Variants in TBC1D32 observed in about 807,000 individuals in gnomAD.
The protein encoded by TBC1D32 is protein broad-minded.
A neutral mutation model predicts 170.3 loss-of-function variants in TBC1D32; 151 were observed. The ratio of observed to expected loss-of-function variants is 0.89; its 90% CI spans 0.78 to 1.01. TBC1D32 has a LOEUF of 1.01. TBC1D32 is among the 50% of genes least tolerant of loss of function. The pLI is 0.00. For missense variants in TBC1D32, 1,464 were observed against 1,457.1 expected (o/e 1.00, Z -0.08); for synonymous variants, 498 against 488.0 (o/e 1.02, Z -0.27).
chr6:121,141,307 T>C (rs1782755836), intron 24 of TBC1D32, among the ~76,000 whole-genome samples: 1 of 151,838 alleles, frequency 6.6e-6, no homozygotes, highest in Admixed American at 6.6e-5. Context: ...ATGGGAAGAG[T>C]AGGAATTAGT....
At chr6:121,303,259 C>T (rs1806747996) in intron 9 of TBC1D32, among the ~76,000 whole-genome samples, 1 of 152,058 alleles carries the variant, frequency 6.6e-6, no homozygotes, top group South Asian at 2.1e-4. Flanking sequence ...ATATTGAATC[C>T]TTATGTTCTA....
chr6:121,143,121 C>A (rs1297377398), intron 24 of TBC1D32, among the ~76,000 whole-genome samples: 1 of 152,046 alleles, frequency 6.6e-6, no homozygotes, highest in Non-Finnish European at 1.5e-5. Flanking sequence ...ATTATACTAC[C>A]TATCTATACC....
chr6:121,252,026 C>T (rs985507479), intron 17 of TBC1D32, among the ~76,000 whole-genome samples: 2 of 152,118 alleles, frequency 1.3e-5, no homozygotes, highest in African/African-American at 4.8e-5. Flanking sequence ...CAGTGAGATA[C>T]CATCTCATGC....
chr6:121,255,545 C>G (rs897592361), intron 16 of TBC1D32, 135 bp from the exon 17 acceptor site: 1 of 156,606 alleles, frequency 6.4e-6, no homozygotes, highest in Non-Finnish European at 1.1e-5. Flanking sequence ...GATAGCACTA[C>G]CCATAAGATT....
chr6:121,161,196 A>G (rs1785589675), intron 22 of TBC1D32, 140 bp from the exon 23 acceptor site: 1 of 694,004 alleles, frequency 1.4e-6, no homozygotes. Context: ...TTTAGCATTT[A>G]TATAATTTTA....
chr6:121,120,558 A>T lies in TBC1D32; in HGVS notation c.2984-5317T>A, dbSNP rs1780152692. On this transcript the variant is annotated intron_variant, in intron 26 of 31. Coordinates refer to ENST00000398212, the MANE Select transcript of TBC1D32 (RefSeq NM_152730.6). The stretch of plus-strand genomic sequence containing the variant: ...TTTCCTATTACTTCCCAACTTAACC[A>T]TTAATAGCTGTATGTTTTTCACATA... Among the ~76,000 whole-genome samples the T allele has an allele frequency of 3.9e-5, 6 of 152,128 alleles. No individual in the cohort carries two copies. The South Asian group carries it at 1.2e-3, about 32-fold the overall frequency.
At chr6:121,275,626 G>A (rs1295144496) in intron 15 of TBC1D32, among the ~76,000 whole-genome samples, 1 of 152,060 alleles carries the variant, frequency 6.6e-6, no homozygotes, top group African/African-American at 2.4e-5. Context: ...ATAAAAAGGA[G>A]GGGATACCTC....
At chr6:121,231,539 C>G (rs1163439655) in intron 20 of TBC1D32, among the ~76,000 whole-genome samples, 1 of 152,146 alleles carries the variant, frequency 6.6e-6, no homozygotes, top group African/African-American at 2.4e-5. Context: ...TTCCCACTGA[C>G]AGTGTAAAAG....
chr6:121,289,546 T>A (rs1231211680), intron 12 of TBC1D32, among the ~76,000 whole-genome samples: 2 of 152,178 alleles, frequency 1.3e-5, no homozygotes, highest in Non-Finnish European at 2.9e-5. Flanking sequence ...GTAGGAAGAA[T>A]CAATATCGTG....
In TBC1D32 at chr6:121,201,127, G is replaced by A. The variant is rs146043213; in HGVS notation, c.2570+3948C>T. Among the ~76,000 whole-genome samples the A allele has an allele frequency of 3.7e-3, 568 of 151,500 alleles. 34 individuals carry two copies. Among genetic ancestry groups the A allele is most frequent in the African/African-American group, 0.014 (552 of 40,850 alleles). On this transcript the variant is annotated intron_variant, in intron 22 of 31. Coordinates refer to ENST00000398212, the MANE Select transcript of TBC1D32 (RefSeq NM_152730.6). ...TAGATAACAAGGTTAAAGAGAATGA[G>A]CACCACATCTGATTCACTCATCATT...
At chr6:121,269,275 A>G (rs1322892520) in intron 15 of TBC1D32, among the ~76,000 whole-genome samples, 2 of 152,156 alleles carry the variant, frequency 1.3e-5, no homozygotes, top group Non-Finnish European at 2.9e-5. Flanking sequence ...TTAACCTTAA[A>G]TGAAAATGGG....
At chr6:121,091,142 C>T (rs1776760398) in intron 30 of TBC1D32, 101 bp from the exon 31 acceptor site, 2 of 938,388 alleles carry the variant, frequency 2.1e-6, no homozygotes, top group South Asian at 3.4e-5. Flanking sequence ...CAGTGAAAAG[C>T]TTAGGGCTTA....
chr6:121,262,942 A>T (rs1256751013), intron 15 of TBC1D32, among the ~76,000 whole-genome samples: 1 of 152,176 alleles, frequency 6.6e-6, no homozygotes, highest in Non-Finnish European at 1.5e-5. Flanking sequence ...AAATAGGGAG[A>T]GGAAAAATCA....
At chr6:121,290,510 G>T (rs1297625918) in intron 12 of TBC1D32, among the ~76,000 whole-genome samples, 2 of 152,046 alleles carry the variant, frequency 1.3e-5, no homozygotes, top group Admixed American at 6.6e-5. Flanking sequence ...ACAGGTGCTG[G>T]AGAGGATGTG....
At chr6:121,131,852 T>C (rs1781476277) in intron 24 of TBC1D32, 100 bp from the exon 25 acceptor site, 4 of 830,138 alleles carry the variant, frequency 4.8e-6, no homozygotes, top group Non-Finnish European at 7.0e-6. Flanking sequence ...CCATATGGAA[T>C]ACATATGGCT....
At chr6:121,157,374 T>A (rs1785038963) in intron 24 of TBC1D32, among the ~76,000 whole-genome samples, 1 of 152,122 alleles carries the variant, frequency 6.6e-6, no homozygotes, top group South Asian at 2.1e-4. Context: ...TTTTTCTGCA[T>A]CCCTTTGAGC....
At chr6:121,085,904 C>G (rs891863728) in intron 31 of TBC1D32, among the ~76,000 whole-genome samples, 1 of 151,966 alleles carries the variant, frequency 6.6e-6, no homozygotes, top group African/African-American at 2.4e-5. Context: ...TGATCAGAAA[C>G]AGTATAAGAG....
chr6:121,149,620 T>C (rs887895398), intron 24 of TBC1D32, among the ~76,000 whole-genome samples: 3 of 152,202 alleles, frequency 2.0e-5, no homozygotes, highest in Admixed American at 6.5e-5. Context: ...GTCTATATAT[T>C]TGTTTTGGTA....
chr6:121,304,901 TC>T, intron 5 of TBC1D32, 68 bp from the exon 6 acceptor site: 1 of 1,034,128 alleles, frequency 9.7e-7, no homozygotes, highest in Non-Finnish European at 1.5e-6. Flanking sequence ...GAAACATTTT[TC>T]ACACAGTAAA....
Sources: gnomAD v4.1 joint callset for allele counts (sites outside exome capture counted in the v4.1 genomes callset) on GRCh38, gnomAD v4.1.1 for gene constraint, MANE v1.5 for transcripts, NCBI Gene and HGNC (gene_info 2026-07-23, HGNC 2026-07-21) for gene names.